Variants in GABRR1 observed in about 807,000 individuals in gnomAD.
GABRR1 encodes gamma-aminobutyric acid type A receptor subunit rho1, also known as gamma-aminobutyric acid receptor subunit rho-1.
GABRR1 carries 59 observed loss-of-function variants against 55.5 expected under a neutral mutation model. That is an observed-to-expected ratio of 1.06 (90% CI 0.86 to 1.32). The LOEUF is 1.32. GABRR1 is among the 40% of genes most tolerant of loss of function. The probability of loss-of-function intolerance (pLI) is 0.00; values close to 1 mark genes in which losing one functional copy is unlikely to be tolerated. For missense variants in GABRR1, 602 were observed against 619.1 expected (o/e 0.97, Z 0.29); for synonymous variants, 213 against 226.0 (o/e 0.94, Z 0.51).
At chr6:89,224,566 T>G (rs1390087279) in intron 1 of GABRR1, among the ~76,000 whole-genome samples, 2 of 152,246 alleles carry the variant, frequency 1.3e-5, no homozygotes, top group Non-Finnish European at 2.9e-5. Flanking sequence ...AGATTCTGGA[T>G]ATTAGTCCTT....
At chr6:89,198,270 C>A (rs747826375) in intron 4 of GABRR1, 27 bp from the exon 5 acceptor site, 16 of 1,505,012 alleles carry the variant, frequency 1.1e-5, no homozygotes, top group Admixed American at 1.7e-5. Flanking sequence ...AGAGAGGGAA[C>A]CCCAGACACA....
Position 89,190,243 on chromosome 6 carries a change from T to C in GABRR1, c.577A>G (p.Thr193Ala). 1 of 1,604,132 alleles carries C rather than the reference T, an allele frequency of 6.2e-7. No individual in the cohort carries two copies. ...DGKVLYSLRVTVTAMCNMDFS... is the reference protein window; with the variant it reads ...DGKVLYSLRVAVTAMCNMDFS... The stretch of plus-strand genomic sequence containing the variant: ...TCCATGTTGCACATTGCAGTTACTG[T>C]AACCCTAGGGCCAAAAAGACAAAAT... Residue 193 changes from threonine to alanine, a missense_variant, in exon 6 of 10, where the codon ACA (threonine) becomes GCA (alanine). Coordinates refer to ENST00000454853, the MANE Select transcript of GABRR1 (RefSeq NM_002042.5).
rs1261855315 is a variant in GABRR1 at position 89,178,743 on chromosome 6, ATG to A, written c.*25_*26del. The A allele has an allele frequency of 1.3e-6, 2 of 1,575,056 alleles. No homozygotes were observed. Among genetic ancestry groups the A allele is most frequent in the African/African-American group, 2.7e-5 (2 of 74,022 alleles). ...TATTTCTGTAGTGCATGCCATGGAA[ATG>A]TGAAATTTGTAGAATTACAAGCATC... On this transcript the variant is annotated 3_prime_UTR_variant, in exon 10 of 10. Transcript: ENST00000454853.
intron 1 of GABRR1, among the ~76,000 whole-genome samples, chr6:89,204,957 T>C (rs1234760214): frequency 6.6e-6 from 1 of 152,180 alleles, no homozygotes; most frequent in Non-Finnish European, 1.5e-5. Context: ...TTTTGCGTCA[T>C]TGGCATCTTT....
chr6:89,178,690 A>T lies in GABRR1; in HGVS notation c.*80T>A. The T allele has an allele frequency of 3.9e-6, 5 of 1,287,216 alleles. No individual in the cohort carries two copies. In the Admixed American group the frequency reaches 6.0e-5, roughly 15 times the overall value. The allele number at this position is 1,287,216 out of a possible 1,614,324, so 79.7% of individuals were successfully genotyped here. A position where few individuals can be genotyped will look rare whatever the true frequency, so the allele number is the denominator to read the frequency against. On this transcript the variant is annotated 3_prime_UTR_variant, in exon 10 of 10. Coordinates refer to ENST00000454853, the MANE Select transcript of GABRR1 (RefSeq NM_002042.5). ...GGTCCTGGGATTTTTTTTTAACCAT[A>T]TCCTTAAATACTTTTTCATTATACA...
At chr6:89,205,065 A>AGTT (rs1251824503) in intron 1 of GABRR1, among the ~76,000 whole-genome samples, 1 of 152,194 alleles carries the variant, frequency 6.6e-6, no homozygotes, top group African/African-American at 2.4e-5. Flanking sequence ...CCTATGTGTG[A>AGTT]GTTACCATGC....
intron 5 of GABRR1, among the ~76,000 whole-genome samples, chr6:89,190,637 A>G (rs958662112): frequency 6.6e-6 from 1 of 152,140 alleles, no homozygotes; most frequent in Non-Finnish European, 1.5e-5. Context: ...TTGTTCTTTT[A>G]TTGATTTTAT....
chr6:89,219,018 C>A (rs1343127172), upstream of GABRR1, among the ~76,000 whole-genome samples: 1 of 151,948 alleles, frequency 6.6e-6, no homozygotes, highest in East Asian at 1.9e-4. Context: ...GTAATCCCAG[C>A]ACTTTGGGAG....
intron 1 of GABRR1, among the ~76,000 whole-genome samples, chr6:89,204,378 G>C (rs1582397563): frequency 6.6e-6 from 1 of 152,220 alleles, no homozygotes; most frequent in South Asian, 2.1e-4. Context: ...TCAGGCGATG[G>C]GCCATCACAG....
chr6:89,195,865 G>A (rs745959981), intron 5 of GABRR1, among the ~76,000 whole-genome samples: 1 of 152,136 alleles, frequency 6.6e-6, no homozygotes, highest in African/African-American at 2.4e-5. Context: ...AATCAGCCAC[G>A]ATGGGAGTAT....
At chr6:89,225,513 T>A (rs1334802169) in intron 1 of GABRR1, among the ~76,000 whole-genome samples, 1 of 135,220 alleles carries the variant, frequency 7.4e-6, no homozygotes. Flanking sequence ...GAATATGCGG[T>A]GTTTGGTTTT....
At position 89,198,031 on chromosome 6, in the gene GABRR1, G is replaced by A. The variant is rs996918024; in HGVS notation, c.561C>T (p.Leu187=). ...MLRVQPDGKV[L]YSLRVTVTAM... is the part of the protein sequence containing the mutation. ...GCCTTTCTTCCTACCTGAGACTATA[G>A]AGCACTTTCCCATCAGGCTGGACCC... is the stretch of plus-strand genomic sequence containing the variant. The change falls in exon 5 of 10, where the codon CTC becomes CTT. Residue 187 remains leucine (L), a synonymous_variant. Coordinates refer to ENST00000454853, the MANE Select transcript of GABRR1 (RefSeq NM_002042.5). The A allele has an allele frequency of 5.6e-6, 9 of 1,613,492 alleles. No homozygotes were observed. The highest frequency in any genetic ancestry group is 1.7e-5 in the Admixed American group (1 of 60,004).
intron 6 of GABRR1, among the ~76,000 whole-genome samples, chr6:89,188,198 A>G (rs7755627): frequency 0.2 from 30,470 of 151,770 alleles, 3,657 homozygotes; most frequent in East Asian, 0.6. Context: ...ACATTTTTGT[A>G]TTTTTTGTAG....
chr6:89,188,051 T>G (rs1771968074), intron 6 of GABRR1, among the ~76,000 whole-genome samples: 2 of 152,044 alleles, frequency 1.3e-5, no homozygotes, highest in Admixed American at 6.6e-5. Context: ...GGGTCTTGCT[T>G]TCTCACCCAG....
chr6:89,224,051 A>G (rs1370167080), intron 1 of GABRR1, among the ~76,000 whole-genome samples: 1 of 150,810 alleles, frequency 6.6e-6, no homozygotes, highest in African/African-American at 2.4e-5. Context: ...ATGAGCCACC[A>G]CGCCTGGCCG....
intron 7 of GABRR1, among the ~76,000 whole-genome samples, chr6:89,182,904 A>G (rs1299094172): frequency 6.6e-6 from 1 of 152,014 alleles, no homozygotes; most frequent in Non-Finnish European, 1.5e-5. Flanking sequence ...TTTTATATAT[A>G]TATATGTAAT....
In GABRR1 at chr6:89,196,885, A is replaced by AAAGAAAAGG. The variant is rs1562296995; in HGVS notation, c.572+1134_572+1135insCCTTTTCTT. ...AAAGAAAGAAAGAAAGAAAGAGAAGAGAAGAAAAAAGAAAAGAAAATAAAA... is the reference window on the plus strand; with the variant it reads ...AAAGAAAGAAAGAAAGAAAGAGAAGAAAGAAAAGGGAAGAAAAAAGAAAAGAAAATAAAA... On this transcript the variant is annotated intron_variant, in intron 5 of 9. Transcript: ENST00000454853. 1.5e-4 allele frequency among the ~76,000 whole-genome samples: 22 copies of AAAGAAAAGG among 149,970 alleles called. No homozygotes were observed. In the South Asian group the frequency reaches 4.7e-3, roughly 32 times the overall value.
At chr6:89,188,283 C>T (rs1771975607) in intron 6 of GABRR1, among the ~76,000 whole-genome samples, 2 of 152,198 alleles carry the variant, frequency 1.3e-5, no homozygotes, top group East Asian at 3.8e-4. Context: ...CCCGGCCACC[C>T]ACAGTGCTGG....
At chr6:89,180,249 G>T (rs1279986887) in intron 9 of GABRR1, 43 bp downstream of exon 9, 2 of 1,588,192 alleles carry the variant, frequency 1.3e-6, no homozygotes, top group Admixed American at 3.6e-5. Flanking sequence ...AGCTAGATCA[G>T]GTTCCATCCT....
Sources: allele counts gnomAD v4.1 joint callset (sites outside exome capture counted in the v4.1 genomes callset), GRCh38; gene constraint gnomAD v4.1.1; transcripts MANE v1.5; gene names NCBI Gene and HGNC (gene_info 2026-07-23, HGNC 2026-07-21).